ANO2: variants seen among roughly 807,000 people sequenced by gnomAD.
The protein encoded by ANO2 is anoctamin-2.
In ANO2, 101 loss-of-function variants were observed where a neutral mutation model predicts 124.2. That is an observed-to-expected ratio of 0.81 (90% CI 0.69 to 0.96). The LOEUF is 0.96. Ranked by LOEUF, ANO2 falls within the 40% of genes least tolerant of loss-of-function variation. ANO2 has a pLI of 0.00. For synonymous variants in ANO2, 486 were observed against 482.5 expected (o/e 1.01, Z -0.09); for missense variants, 1,293 against 1,274.5 (o/e 1.01, Z -0.22).
intron 23 of ANO2, among the ~76,000 whole-genome samples, chr12:5,566,147 C>A (rs1293238853): frequency 6.6e-6 from 1 of 152,200 alleles, no homozygotes; most frequent in Non-Finnish European, 1.5e-5. Context: ...AGGACTACGG[C>A]CACTAGAGGG....
At chr12:5,718,752 T>C (rs1029600333) in intron 14 of ANO2, among the ~76,000 whole-genome samples, 2 of 152,252 alleles carry the variant, frequency 1.3e-5, no homozygotes, top group Non-Finnish European at 2.9e-5. Context: ...GGCAGGTAGA[T>C]AGATGGAAGG....
intron 9 of ANO2, among the ~76,000 whole-genome samples, chr12:5,804,855 C>G (rs1006834580): frequency 2.6e-5 from 4 of 152,096 alleles, no homozygotes; most frequent in African/African-American, 7.2e-5. Context: ...TGATCCTAGA[C>G]AGGCTGGGGT....
intron 10 of ANO2, among the ~76,000 whole-genome samples, chr12:5,772,031 T>C (rs1206758705): frequency 6.6e-6 from 1 of 152,224 alleles, no homozygotes; most frequent in Non-Finnish European, 1.5e-5. Flanking sequence ...CCTGGTGGTT[T>C]GGGTTTCATT....
intron 4 of ANO2, among the ~76,000 whole-genome samples, chr12:5,840,612 T>C (rs910343821): frequency 5.3e-5 from 8 of 152,088 alleles, no homozygotes; most frequent in Non-Finnish European, 1.0e-4. Flanking sequence ...CAGTATAAGA[T>C]AAAAACAACA....
At position 5,943,832 on chromosome 12, in the gene ANO2, G is replaced by A. The variant is rs368468648; in HGVS notation, c.22+1364C>T. ...AATGGGTAGCTTTCCAGAAAATTAG[G>A]TCTTTGTTACAGAAAATTATAGACA... On this transcript the variant is annotated intron_variant, in intron 1 of 24. Transcript: ENST00000682330. 7.2e-5 allele frequency among the ~76,000 whole-genome samples: 11 copies of A among 152,214 alleles called. No individual in the cohort carries two copies. The East Asian group carries it at 2.1e-3, about 29-fold the overall frequency.
chr12:5,829,583 G>A (rs1383324477), intron 6 of ANO2, among the ~76,000 whole-genome samples: 1 of 152,134 alleles, frequency 6.6e-6, no homozygotes, highest in East Asian at 1.9e-4. Context: ...TCCTCCTGTG[G>A]AAACTTCAGT....
At chr12:5,772,082 C>A (rs1269833567) in intron 10 of ANO2, among the ~76,000 whole-genome samples, 1 of 151,864 alleles carries the variant, frequency 6.6e-6, no homozygotes, top group African/African-American at 2.4e-5. Flanking sequence ...ACTTTTTACC[C>A]ACAACAGATT....
At chr12:5,932,711 G>A (rs953598192) in intron 1 of ANO2, among the ~76,000 whole-genome samples, 32 of 152,254 alleles carry the variant, frequency 2.1e-4, no homozygotes, top group African/African-American at 7.7e-4. Context: ...AGAGAGGAAG[G>A]AAAGTAGACC....
chr12:5,921,171 G>A lies in ANO2; in HGVS notation c.403C>T (p.Pro135Ser), dbSNP rs367630671. The A allele has an allele frequency of 1.9e-6, 3 of 1,613,806 alleles. No individual in the cohort carries two copies. Among genetic ancestry groups the A allele is most frequent in the African/African-American group, 2.7e-5 (2 of 74,914 alleles). ...IVSNGETGKEPHAGGPGDIEL... is the reference protein window; with the variant it reads ...IVSNGETGKESHAGGPGDIEL... The stretch of plus-strand genomic sequence containing the variant: ...ATGTCACCTGGGCCCCCAGCATGAG[G>A]CTCCTTGCCTGTCTCCCCATTGGAG... Residue 135 changes from proline (P) to serine (S), a missense_variant, in exon 3 of 25, where the codon CCT (proline) becomes TCT (serine). By Grantham distance (74) the Pro-to-Ser change is moderately conservative. Transcript: ENST00000682330.
intron 16 of ANO2, among the ~76,000 whole-genome samples, chr12:5,628,941 A>G (rs974632345): frequency 3.9e-5 from 6 of 152,274 alleles, no homozygotes; most frequent in South Asian, 2.1e-4. Flanking sequence ...TGGGCCCTCA[A>G]TGGAACTCAC....
At chr12:5,593,772 A>G (rs941071896) in intron 20 of ANO2, among the ~76,000 whole-genome samples, 3 of 152,156 alleles carry the variant, frequency 2.0e-5, no homozygotes, top group African/African-American at 7.2e-5. Flanking sequence ...TTCAGATGGG[A>G]GAATTGGACC....
At chr12:5,867,199 C>T (rs911721496) in intron 3 of ANO2, among the ~76,000 whole-genome samples, 1 of 152,222 alleles carries the variant, frequency 6.6e-6, no homozygotes, top group African/African-American at 2.4e-5. Context: ...AAACCTTCTA[C>T]AACATTGATC....
intron 7 of ANO2, among the ~76,000 whole-genome samples, chr12:5,824,183 C>T (rs2137204205): frequency 6.6e-6 from 1 of 152,344 alleles, no homozygotes; most frequent in African/African-American, 2.4e-5. Flanking sequence ...TAACATTAGG[C>T]TCCTTGCTAC....
intron 20 of ANO2, among the ~76,000 whole-genome samples, chr12:5,597,935 CT>C (rs977446291): frequency 2.6e-5 from 4 of 152,178 alleles, no homozygotes; most frequent in Non-Finnish European, 5.9e-5. Context: ...TTGATATTTT[CT>C]TTACATATTG....
chr12:5,665,937 G>A (rs3782614), intron 14 of ANO2, among the ~76,000 whole-genome samples: 100,492 of 151,940 alleles, frequency 0.66, 33,989 homozygotes, highest in East Asian at 0.96. Context: ...ACGCACAGAA[G>A]TGGCTGGAGT....
chr12:5,682,868 G>A (rs918797752), intron 14 of ANO2, among the ~76,000 whole-genome samples: 2 of 152,318 alleles, frequency 1.3e-5, no homozygotes, highest in Admixed American at 1.3e-4. Flanking sequence ...CATCTGGGTG[G>A]AATGGGTAAA....
At chr12:5,687,589 C>G (rs10774366) in intron 14 of ANO2, among the ~76,000 whole-genome samples, 56,791 of 152,110 alleles carry the variant, frequency 0.37, 12,352 homozygotes, top group East Asian at 0.59. Flanking sequence ...TGATTTGGCT[C>G]TAGGCCAGAT....
chr12:5,832,231 C>T (rs2137218624), intron 5 of ANO2, among the ~76,000 whole-genome samples: 1 of 152,276 alleles, frequency 6.6e-6, no homozygotes, highest in South Asian at 2.1e-4. Context: ...GGTGGATTTC[C>T]TGCTGGACAA....
intron 14 of ANO2, among the ~76,000 whole-genome samples, chr12:5,712,916 T>C (rs1004582339): frequency 6.6e-6 from 1 of 151,856 alleles, no homozygotes; most frequent in South Asian, 2.1e-4. Flanking sequence ...GGAGGTGAAG[T>C]TGGAGAGGTG....
Sources: gnomAD v4.1 joint callset for allele counts (sites outside exome capture counted in the v4.1 genomes callset) on GRCh38, gnomAD v4.1.1 for gene constraint, MANE v1.5 for transcripts, NCBI Gene and HGNC (gene_info 2026-07-23, HGNC 2026-07-21) for gene names.